The following UBR4 variants were observed in gnomAD, a reference collection of about 807,000 sequenced individuals.
UBR4 encodes ubiquitin protein ligase E3 component n-recognin 4.
In UBR4, 124 loss-of-function variants were observed where a neutral mutation model predicts 575.6. The observed-to-expected ratio is 0.22, with a 90% CI of 0.19 to 0.25. UBR4 has a LOEUF of 0.25. UBR4 is among the 10% of genes least tolerant of loss of function. UBR4 has a pLI of 1.00. For missense variants in UBR4, 4,818 were observed against 6,478.8 expected (o/e 0.74, Z 8.80); for synonymous variants, 2,455 against 2,473.7 (o/e 0.99, Z 0.22).
intron 65 of UBR4, 114 bp from the exon 66 acceptor site, chr1:19,123,174 G>A (rs370011631): frequency 4.2e-5 from 48 of 1,141,268 alleles, no homozygotes; most frequent in East Asian, 1.6e-4. Context: ...GGGACAGGCC[G>A]GGCACGGTGG....
In UBR4 at chr1:19,104,626, C is replaced by T. The variant is rs772711391; in HGVS notation, c.12686G>A (p.Ser4229Asn). ...RLLALEEATLSTDLQQGYALK... is the reference protein window; with the variant it reads ...RLLALEEATLNTDLQQGYALK... ...GGCATAACCCTGCTGCAGATCGGTA[C>T]TCAGGGTAGCCTCCTCCAGGGCCAG... Residue 4229 changes from serine to asparagine, a missense_variant, in exon 86 of 106, where the codon AGT (serine) becomes AAT (asparagine). Coordinates refer to ENST00000375254, the MANE Select transcript of UBR4 (RefSeq NM_020765.3). 2.0e-5 allele frequency: 32 copies of T among 1,614,034 alleles called. No homozygotes were observed. The South Asian group carries it at 2.4e-4, about 12-fold the overall frequency.
intron 64 of UBR4, 48 bp downstream of exon 64, chr1:19,126,398 T>C (rs777949049): frequency 2.5e-6 from 4 of 1,608,090 alleles, no homozygotes; most frequent in African/African-American, 1.3e-5. Flanking sequence ...AAGAGAAGAG[T>C]GCTCTGAACA....
chr1:19,129,215 A>C (rs1458082980), intron 60 of UBR4, 141 bp from the exon 61 acceptor site: 1 of 655,046 alleles, frequency 1.5e-6, no homozygotes, highest in African/African-American at 1.8e-5. Context: ...GCATTAAAAA[A>C]AAAAGTTAAG....
chr1:19,204,673 G>A (rs2092919790), intron 1 of UBR4, among the ~76,000 whole-genome samples: 1 of 152,078 alleles, frequency 6.6e-6, no homozygotes, highest in Non-Finnish European at 1.5e-5. Flanking sequence ...AATGCATTTT[G>A]GGGAAAGATA....
intron 11 of UBR4, among the ~76,000 whole-genome samples, chr1:19,188,964 C>T (rs1403605881): frequency 6.6e-6 from 1 of 151,926 alleles, no homozygotes; most frequent in South Asian, 2.1e-4. Flanking sequence ...GTGACTCTAC[C>T]TCTGTAAAAA....
chr1:19,105,069 A>G lies in UBR4; in HGVS notation c.12624T>C (p.Tyr4208=), dbSNP rs2079040794. The change falls in exon 85 of 106, where the codon TAT becomes TAC. Residue 4208 remains tyrosine, a synonymous_variant. Coordinates refer to ENST00000375254, the MANE Select transcript of UBR4 (RefSeq NM_020765.3). ...ATACCTTGGTGATGAGGTTGCCCACATAGGGTAGGACTCCCCGAGCTGCCA... is the reference window on the plus strand; with the variant it reads ...ATACCTTGGTGATGAGGTTGCCCACGTAGGGTAGGACTCCCCGAGCTGCCA... ...VYLAARGVLP[Y]VGNLITKEIA... The G allele has an allele frequency of 6.2e-7, 1 of 1,613,970 alleles. No homozygotes were observed. Among genetic ancestry groups the G allele is most frequent in the Admixed American group, 1.7e-5 (1 of 60,000 alleles).
chr1:19,113,117 A>C, intron 77 of UBR4: 1 of 466,054 alleles, frequency 2.1e-6, no homozygotes, highest in Non-Finnish European at 3.8e-6. Flanking sequence ...TATGCTCTTA[A>C]CTCCCATGTA....
intron 58 of UBR4, among the ~76,000 whole-genome samples, 162 bp downstream of exon 58, chr1:19,140,626 C>T (rs2083782457): frequency 6.6e-6 from 1 of 152,200 alleles, no homozygotes; most frequent in African/African-American, 2.4e-5. Flanking sequence ...GGGGCCGAGC[C>T]ACAGCACTAC....
At position 19,168,138 on chromosome 1, in the gene UBR4, C is replaced by G; in HGVS notation, c.3788G>C (p.Ser1263Thr). ...NDTIPSESYI[S>T]AVQAAHLGTL... ...CCCCAGGTGTGCAGCCTGCACTGCA[C>G]TAATATAACTCTCTGAAGGGATGGT... Residue 1263 changes from serine to threonine, a missense_variant, in exon 28 of 106, where the codon AGT becomes ACT. Physicochemically the swap from Ser to Thr is moderately conservative, Grantham distance 58. Around this residue, in one of 29 missense-constraint regions of UBR4, gnomAD observed 1,172 missense variants for 1,259.7 expected, o/e 0.93. Transcript: ENST00000375254. 6.2e-7 allele frequency: 1 copy of G among 1,608,096 alleles called. No homozygotes were observed. The highest frequency in any genetic ancestry group is 8.5e-7 in the Non-Finnish European group (1 of 1,175,770).
At chr1:19,107,106 C>T in intron 81 of UBR4, 140 bp from the exon 82 acceptor site, 1 of 1,244,732 alleles carries the variant, frequency 8.0e-7, no homozygotes. Context: ...ATCTCTTATG[C>T]CCAAATATGT....
intron 71 of UBR4, 26 bp downstream of exon 71, chr1:19,118,846 C>T (rs773811902): frequency 2.5e-6 from 4 of 1,612,890 alleles, no homozygotes; most frequent in Non-Finnish European, 3.4e-6. Flanking sequence ...GAGCTTCCCA[C>T]AGGTAGAAAG....
At chr1:19,156,556 C>T in intron 41 of UBR4, 133 bp from the exon 42 acceptor site, 1 of 1,285,908 alleles carries the variant, frequency 7.8e-7, no homozygotes, top group South Asian at 1.6e-5. Flanking sequence ...TGTCTAGTAA[C>T]ATTCAGGTTT....
chr1:19,118,177 C>T (rs1366038696), intron 71 of UBR4: 2 of 368,186 alleles, frequency 5.4e-6, no homozygotes, highest in Non-Finnish European at 9.9e-6. Context: ...AAATTTGACT[C>T]AAGAGTCACA....
chr1:19,099,695 T>C lies in UBR4; in HGVS notation c.13222-18A>G. 6.2e-7 allele frequency: 1 copy of C among 1,606,946 alleles called. No homozygotes were observed. Among genetic ancestry groups the C allele is most frequent in the Non-Finnish European group, 8.5e-7 (1 of 1,176,022 alleles). The stretch of plus-strand genomic sequence containing the variant: ...ACTAGAAGCTGAACAGAAAAGCAGG[T>C]GAAGCTGTTGTTCCAAATAATTGTA... On this transcript the variant is annotated intron_variant, in intron 89 of 105. Transcript: ENST00000375254.
chr1:19,075,043 G>T, intron 105 of UBR4, 147 bp from the exon 106 acceptor site: 1 of 791,296 alleles, frequency 1.3e-6, no homozygotes. Flanking sequence ...CATGACCGGG[G>T]AGGTAGTCAT....
At position 19,108,447 on chromosome 1, in the gene UBR4, C is replaced by T. The variant is rs114566305; in HGVS notation, c.12106-1481G>A. Among the ~76,000 whole-genome samples, 456 of 152,164 alleles carry T rather than the reference C, an allele frequency of 3.0e-3. 2 individuals are homozygous for T. Among genetic ancestry groups the T allele is most frequent in the African/African-American group, 0.011 (444 of 41,524 alleles). The stretch of plus-strand genomic sequence containing the variant: ...CAGCTGGTTTGGCTTGCATCTCACA[C>T]AAGTGCCTTTTCTCAGCACAACTGC... On this transcript the variant is annotated intron_variant, in intron 81 of 105. Transcript: ENST00000375254.
At chr1:19,173,408 T>C (rs1387405310) in intron 23 of UBR4, 31 bp downstream of exon 23, 2 of 1,613,138 alleles carry the variant, frequency 1.2e-6, no homozygotes, top group Admixed American at 3.3e-5. Flanking sequence ...ACTTTGGCTT[T>C]GAATAGTCTT....
In UBR4 at chr1:19,139,960, C is replaced by G. The variant is rs1480781897; in HGVS notation, c.8594-740G>C. On this transcript the variant is annotated intron_variant, in intron 58 of 105. Transcript: ENST00000375254. This position sits in a 1 kb window ranked among gnomAD's most constrained non-coding sequence, Gnocchi z 4.2. ...GCCACAGAGCACAGCGGGAACACGA[C>G]TGGCACAACACAACAGCAACCTCAG... Among the ~76,000 whole-genome samples the G allele has an allele frequency of 6.6e-6, 1 of 152,120 alleles. No homozygotes were observed. Among genetic ancestry groups the G allele is most frequent in the African/African-American group, 2.4e-5 (1 of 41,406 alleles).
Position 19,192,231 on chromosome 1 carries a change from T to C in UBR4, c.1351A>G (p.Thr451Ala). The C allele has an allele frequency of 6.2e-7, 1 of 1,614,178 alleles. No homozygotes were observed. Among genetic ancestry groups the C allele is most frequent in the Non-Finnish European group, 8.5e-7 (1 of 1,180,022 alleles). The part of the protein sequence containing the change: ...ALRVRDILSR[T>A]KEGVGSPKLG... ...TTAGGGGAGCCCACTCCCTCTTTAG[T>C]ACGAGAAAGGATGTCTCTGACTCGG... Residue 451 changes from threonine to alanine, a missense_variant, in exon 11 of 106, where the codon ACT becomes GCT. Thr to Ala is a moderately conservative substitution (Grantham distance 58). Transcript: ENST00000375254.
Sources: allele counts gnomAD v4.1 joint callset (sites outside exome capture counted in the v4.1 genomes callset), GRCh38; gene constraint gnomAD v4.1.1; regional missense constraint gnomAD v4.1.1; non-coding constraint Gnocchi (gnomAD v3.1); transcripts MANE v1.5; gene names NCBI Gene and HGNC (gene_info 2026-07-23, HGNC 2026-07-21).